DNAJC7: variants seen among roughly 807,000 people sequenced by gnomAD.
The protein encoded by DNAJC7 is DnaJ heat shock protein family (Hsp40) member C7.
Under a neutral mutation model 67.4 loss-of-function variants are expected in DNAJC7, and 18 were observed. That is an observed-to-expected ratio of 0.27 (90% CI 0.18 to 0.40). The LOEUF (loss-of-function observed/expected upper bound fraction) is 0.40. Ranked by LOEUF, DNAJC7 falls within the 10% of genes least tolerant of loss-of-function variation. The pLI, the probability that DNAJC7 is intolerant of heterozygous loss-of-function variation, is 1.00. For missense variants in DNAJC7, 419 were observed against 613.8 expected (o/e 0.68, Z 3.35); for synonymous variants, 220 against 207.8 (o/e 1.06, Z -0.50).
intron 1 of DNAJC7, among the ~76,000 whole-genome samples, chr17:42,006,479 G>A (rs2051960279): frequency 6.6e-6 from 1 of 151,728 alleles, no homozygotes; most frequent in Admixed American, 6.6e-5. Context: ...CAGCCTGGGT[G>A]ACAGAGTGAG....
chr17:42,014,598 T>G (rs1410171316), intron 1 of DNAJC7: 1 of 151,826 alleles, frequency 6.6e-6, no homozygotes, highest in Non-Finnish European at 1.5e-5. Flanking sequence ...TTAATTGATT[T>G]TTTTTTTTTT....
In DNAJC7 at chr17:42,000,523, T is replaced by A; in HGVS notation, c.125A>T (p.Lys42Ile). The A allele has an allele frequency of 1.9e-6, 3 of 1,612,504 alleles. No homozygotes were observed. Among genetic ancestry groups the A allele is most frequent in the Non-Finnish European group, 2.5e-6 (3 of 1,179,192 alleles). ...ATAATTATAAGCTTCATTGTAATCTTTCTTGGCATAGTATGCATTTCCTTG... is the reference window on the plus strand; with the variant it reads ...ATAATTATAAGCTTCATTGTAATCTATCTTGGCATAGTATGCATTTCCTTG... ...KEQGNAYYAK[K>I]DYNEAYNYYT... Residue 42 changes from lysine to isoleucine, a missense_variant, in exon 2 of 14, where the codon AAA becomes ATA. Around this residue, in one of 4 missense-constraint regions of DNAJC7, gnomAD observed 179 missense variants for 249.7 expected, o/e 0.72. Transcript: ENST00000457167.
intron 1 of DNAJC7, among the ~76,000 whole-genome samples, chr17:42,004,155 A>G (rs1388638438): frequency 6.6e-6 from 1 of 151,916 alleles, no homozygotes; most frequent in East Asian, 1.9e-4. Context: ...GGGTTTCATC[A>G]TGTTGGCCAG....
intron 1 of DNAJC7, chr17:42,017,108 C>T (rs756585075): frequency 2.5e-4 from 363 of 1,437,328 alleles, no homozygotes; most frequent in Non-Finnish European, 3.0e-4. Context: ...GTCCTCTCAG[C>T]TGGAGAACAA....
intron 2 of DNAJC7, among the ~76,000 whole-genome samples, chr17:42,000,141 T>G (rs1213663718): frequency 6.9e-6 from 1 of 144,736 alleles, no homozygotes; most frequent in Non-Finnish European, 1.5e-5. Flanking sequence ...CTTTTTGAGA[T>G]GAAGTCTTGC....
intron 1 of DNAJC7, chr17:42,016,802 C>T (rs147073752): frequency 1.7e-5 from 5 of 291,898 alleles, no homozygotes; most frequent in African/African-American, 1.1e-4. Context: ...TTTTCTCTGT[C>T]ATCTTTGACT....
intron 9 of DNAJC7, among the ~76,000 whole-genome samples, chr17:41,987,278 T>C (rs1301968437): frequency 2.0e-5 from 3 of 152,028 alleles, no homozygotes; most frequent in African/African-American, 7.2e-5. Flanking sequence ...AGAGTAGCCA[T>C]CCAGGGTGTT....
chr17:41,985,378 A>T (rs1417197645), intron 9 of DNAJC7: 2 of 151,674 alleles, frequency 1.3e-5, no homozygotes, highest in Admixed American at 1.3e-4. Flanking sequence ...TGATACTTTG[A>T]TACTGCACTC....
chr17:41,991,016 C>T (rs1419198320), intron 5 of DNAJC7, among the ~76,000 whole-genome samples: 1 of 152,080 alleles, frequency 6.6e-6, no homozygotes, highest in Non-Finnish European at 1.5e-5. Context: ...TTACTATTCC[C>T]AACATGCCAC....
chr17:41,994,403 T>TG (rs2051598778), intron 5 of DNAJC7, among the ~76,000 whole-genome samples: 1 of 150,774 alleles, frequency 6.6e-6, no homozygotes, highest in African/African-American at 2.4e-5. Flanking sequence ...CCAGGTGTGA[T>TG]GGCATGCGCC....
chr17:41,990,506 T>C (rs1334114738), intron 5 of DNAJC7, 124 bp from the exon 6 acceptor site: 1 of 739,964 alleles, frequency 1.4e-6, no homozygotes, highest in South Asian at 1.7e-5. Context: ...TTCTAAGTAA[T>C]ATCAAAGTTT....
At chr17:41,979,450 T>C (rs1031620692) in intron 12 of DNAJC7, among the ~76,000 whole-genome samples, 19 of 151,376 alleles carry the variant, frequency 1.3e-4, no homozygotes, top group African/African-American at 4.6e-4. Context: ...GGCCAGTAGA[T>C]CACTTGCGGT....
At chr17:41,995,002 C>A (rs782418080) in intron 4 of DNAJC7, 58 bp from the exon 5 acceptor site, 2 of 1,465,452 alleles carry the variant, frequency 1.4e-6, no homozygotes, top group Non-Finnish European at 1.9e-6. Flanking sequence ...TAAACAACCA[C>A]AAAAAAATTA....
chr17:42,010,534 GGTGGA>G (rs1417322885), intron 1 of DNAJC7, among the ~76,000 whole-genome samples: 2 of 151,936 alleles, frequency 1.3e-5, no homozygotes, highest in Non-Finnish European at 2.9e-5. Flanking sequence ...AGTTTTTTTG[GGTGGA>G]GTGGGGTGGG....
At chr17:41,979,465 A>G (rs1263997047) in intron 12 of DNAJC7, among the ~76,000 whole-genome samples, 11 of 150,914 alleles carry the variant, frequency 7.3e-5, no homozygotes, top group African/African-American at 2.7e-4. Flanking sequence ...TGCGGTCAGG[A>G]GTTCAAGACC....
At chr17:41,999,847 C>T (rs1555649227) in intron 2 of DNAJC7, among the ~76,000 whole-genome samples, 3 of 149,862 alleles carry the variant, frequency 2.0e-5, no homozygotes, top group African/African-American at 7.4e-5. Context: ...GAGATGAAGT[C>T]TTGCTTTGTT....
At chr17:41,980,902 C>G (rs1213211738) in intron 12 of DNAJC7, among the ~76,000 whole-genome samples, 1 of 152,212 alleles carries the variant, frequency 6.6e-6, no homozygotes, top group Admixed American at 6.5e-5. Context: ...ATATTCCTTA[C>G]CACATACAGC....
At chr17:41,996,993 C>T (rs2051677886) in intron 3 of DNAJC7, 122 bp downstream of exon 3, 1 of 1,471,886 alleles carries the variant, frequency 6.8e-7, no homozygotes, top group African/African-American at 1.4e-5. Context: ...ACAGTAAAGT[C>T]CCCCACAACA....
intron 10 of DNAJC7, among the ~76,000 whole-genome samples, chr17:41,983,268 G>A (rs1348214283): frequency 2.0e-5 from 3 of 152,116 alleles, no homozygotes; most frequent in Non-Finnish European, 4.4e-5. Flanking sequence ...GGGATTACAG[G>A]CGTATACCAC....
Sources: allele counts gnomAD v4.1 joint callset (sites outside exome capture counted in the v4.1 genomes callset), GRCh38; gene constraint gnomAD v4.1.1; regional missense constraint gnomAD v4.1.1; transcripts MANE v1.5; gene names NCBI Gene and HGNC (gene_info 2026-07-23, HGNC 2026-07-21).